ZNF518B: variants seen among roughly 807,000 people sequenced by gnomAD.
The protein encoded by ZNF518B is zinc finger protein 518B.
A neutral mutation model predicts 56.3 loss-of-function variants in ZNF518B; 23 were observed. That is an observed-to-expected ratio of 0.41 (90% CI 0.29 to 0.58). ZNF518B has a LOEUF of 0.58. Ranked by LOEUF, ZNF518B falls within the 20% of genes least tolerant of loss-of-function variation. The pLI, the probability that ZNF518B is intolerant of heterozygous loss-of-function variation, is 0.32. For synonymous variants in ZNF518B, 529 were observed against 465.9 expected, an observed-to-expected ratio of 1.14 and a Z score of -1.74; for missense variants, 1,460 against 1,272.1, an observed-to-expected ratio of 1.15 and a Z score of -2.25.
intron 2 of ZNF518B, among the ~76,000 whole-genome samples, chr4:10,448,794 A>C (rs1202558246): frequency 6.6e-6 from 1 of 152,112 alleles, no homozygotes; most frequent in Non-Finnish European, 1.5e-5. Flanking sequence ...TTTACATTAC[A>C]CTGCATTTCT....
chr4:10,448,539 G>A (rs930696632), intron 2 of ZNF518B, among the ~76,000 whole-genome samples: 4 of 152,050 alleles, frequency 2.6e-5, no homozygotes, highest in African/African-American at 9.7e-5. Flanking sequence ...GCGAAAGATA[G>A]TCACCTTCTT....
intron 2 of ZNF518B, chr4:10,453,370 C>T (rs12019277): frequency 6.6e-6 from 1 of 151,988 alleles, no homozygotes; most frequent in Non-Finnish European, 1.5e-5. Flanking sequence ...CATTAGTCGG[C>T]AGGAAGTGAG....
In ZNF518B at chr4:10,441,845, G is replaced by C. The variant is rs1714696018; in HGVS notation, c.*1259C>G. The C allele has an allele frequency of 1.3e-5, 2 of 152,236 alleles. No individual in the cohort carries two copies. The highest frequency in any genetic ancestry group is 2.9e-5 in the Non-Finnish European group (2 of 68,068). The allele number at this position is 152,236 out of a possible 1,614,324, so 9.4% of individuals were successfully genotyped here. Reference sequence around the variant, plus strand: ...GGAGTTGCTTCCCTGAGAAAGCTGAGCAGCAGGGTAAGCATGAATGTGGTT... The same window carrying C: ...GGAGTTGCTTCCCTGAGAAAGCTGACCAGCAGGGTAAGCATGAATGTGGTT... On this transcript the variant is annotated 3_prime_UTR_variant, in exon 3 of 3. Transcript: ENST00000326756.
At position 10,443,869 on chromosome 4, in the gene ZNF518B, G is replaced by C; in HGVS notation, c.2460C>G (p.Asp820Glu). Residue 820 changes from aspartate to glutamate, a missense_variant, in exon 3 of 3, where the codon GAC (aspartate) becomes GAG (glutamate). Transcript: ENST00000326756. ...CACTTCTTAAAGGCTGTAAGTCTGA[G>C]TCCGCCTGTCTCACAGGGCAAAATG... ...PVPFCPVRQA[D>E]SDLQPLRSER... is the part of the protein sequence containing the mutation. The C allele has an allele frequency of 6.2e-7, 1 of 1,614,220 alleles. No individual in the cohort carries two copies. Among genetic ancestry groups the C allele is most frequent in the South Asian group, 1.1e-5 (1 of 91,078 alleles).
Position 10,442,940 on chromosome 4 carries a change from A to G in ZNF518B, c.*164T>C. 9.7e-6 allele frequency: 6 copies of G among 620,548 alleles called. No homozygotes were observed. Among genetic ancestry groups the G allele is most frequent in the South Asian group, 2.5e-5 (1 of 39,654 alleles). 38.4% of individuals were successfully genotyped at this position (620,548 alleles called of 1,614,324 possible). A position where few individuals can be genotyped will look rare whatever the true frequency, so the allele number is the denominator to read the frequency against. ...TTCAAATACATTCTGGGGTCCAATC[A>G]CATACTTCAGGTTCAGACTCCTAGC... is the stretch of plus-strand genomic sequence containing the variant. On this transcript the variant is annotated 3_prime_UTR_variant, in exon 3 of 3. Coordinates refer to ENST00000326756, the MANE Select transcript of ZNF518B (RefSeq NM_053042.3).
chr4:10,444,144 T>C lies in ZNF518B; in HGVS notation c.2185A>G (p.Asn729Asp), dbSNP rs1714837981. The C allele has an allele frequency of 6.2e-7, 1 of 1,614,232 alleles. No homozygotes were observed. The highest frequency in any genetic ancestry group is 8.5e-7 in the Non-Finnish European group (1 of 1,180,048). Residue 729 changes from asparagine (N) to aspartate (D), a missense_variant, in exon 3 of 3, where the codon AAT (asparagine) becomes GAT (aspartate). Coordinates refer to ENST00000326756, the MANE Select transcript of ZNF518B (RefSeq NM_053042.3). Reference sequence around the variant, plus strand: ...CTATTACCAGTAATACCACCATCATTCGGAGGTTTCTGAAGAGTACCTGTG... The same window carrying C: ...CTATTACCAGTAATACCACCATCATCCGGAGGTTTCTGAAGAGTACCTGTG... ...HSTGTLQKPP[N>D]DGGITGNRQL...
At chr4:10,459,841 C>A (rs180773955), upstream of ZNF518B, among the ~76,000 whole-genome samples, 1 of 152,112 alleles carries the variant, frequency 6.6e-6, no homozygotes, top group African/African-American at 2.4e-5. Flanking sequence ...ACTTCTGAGC[C>A]GACAGAACTG....
intron 2 of ZNF518B, among the ~76,000 whole-genome samples, chr4:10,449,065 A>G (rs777605612): frequency 1.6e-4 from 25 of 152,224 alleles, no homozygotes; most frequent in Non-Finnish European, 3.2e-4. Context: ...CATCATCAAT[A>G]TAGTCATGTC....
intron 2 of ZNF518B, chr4:10,450,934 T>G (rs1715276730): frequency 6.6e-6 from 1 of 152,206 alleles, no homozygotes; most frequent in African/African-American, 2.4e-5. Context: ...CTGCCTGTTT[T>G]CAAAAAATTA....
rs773970859 is a variant in ZNF518B at position 10,441,626 on chromosome 4, ACCTGGAAGGT to A, written c.*1468_*1477del. 59 of 152,690 alleles carry A rather than the reference ACCTGGAAGGT, an allele frequency of 3.9e-4. No individual in the cohort carries two copies. The highest frequency in any genetic ancestry group is 1.6e-4 in the Non-Finnish European group (11 of 68,054). 9.5% of individuals were successfully genotyped at this position (152,690 alleles called of 1,614,324 possible). On this transcript the variant is annotated 3_prime_UTR_variant, in exon 3 of 3. Transcript: ENST00000326756. ...CTCGGGGTTGTGCCATCTGTGCTCTACCTGGAAGGTCAGCGCCCAGCTGCACAGGCAAGTG... is the reference window on the plus strand; with the variant it reads ...CTCGGGGTTGTGCCATCTGTGCTCTACAGCGCCCAGCTGCACAGGCAAGTG...
Position 10,445,705 on chromosome 4 carries a change from G to A in ZNF518B, c.624C>T (p.His208=), listed in dbSNP as rs1276251289. The change falls in exon 3 of 3, where the codon CAC becomes CAT. Residue 208 remains histidine, a synonymous_variant. Transcript: ENST00000326756. ...GAIRNDYIVK[H]TKRVHERAGA... ...CTGCCCTTTCATGTACTCTCTTCGT[G>A]TGTTTGACAATATAATCATTTCTAA... is the stretch of plus-strand genomic sequence containing the variant. 6.2e-7 allele frequency: 1 copy of A among 1,614,120 alleles called. No homozygotes were observed. Among genetic ancestry groups the A allele is most frequent in the Middle Eastern group, 1.6e-4 (1 of 6,062 alleles).
upstream of ZNF518B, among the ~76,000 whole-genome samples, chr4:10,460,607 G>T (rs183203239): frequency 8.1e-3 from 1,232 of 152,286 alleles, 14 homozygotes; most frequent in Non-Finnish European, 0.013. Flanking sequence ...TGTGGATTTA[G>T]ATCATTCTAG....
intron 2 of ZNF518B, chr4:10,451,177 G>T (rs1202078033): frequency 7.2e-5 from 11 of 151,892 alleles, no homozygotes; most frequent in African/African-American, 2.7e-4. Flanking sequence ...CTTATTATGG[G>T]GACATAAAAA....
At position 10,444,521 on chromosome 4, in the gene ZNF518B, G is replaced by A. The variant is rs762154811; in HGVS notation, c.1808C>T (p.Thr603Ile). 6.2e-7 allele frequency: 1 copy of A among 1,614,084 alleles called. No homozygotes were observed. The highest frequency in any genetic ancestry group is 8.5e-7 in the Non-Finnish European group (1 of 1,180,020). The change falls in exon 3 of 3, where the codon ACT becomes ATT. Residue 603 changes from threonine to isoleucine, a missense_variant. Transcript: ENST00000326756. ...AGGCTGTTGAGATCTATCTTCTCCA[G>A]TTATGTTTATATGTAAATACTCACT... ...HKSEYLHINITGEDRSQQPGD... is the reference protein window; with the variant it reads ...HKSEYLHINIIGEDRSQQPGD...
intron 1 of ZNF518B, among the ~76,000 whole-genome samples, chr4:10,456,854 G>C (rs973494067): frequency 1.3e-5 from 2 of 152,252 alleles, no homozygotes; most frequent in South Asian, 4.1e-4. Context: ...GGAGCCCTCG[G>C]AGGAGGCATC....
intron 2 of ZNF518B, among the ~76,000 whole-genome samples, chr4:10,447,336 G>A (rs1225473113): frequency 1.3e-5 from 2 of 152,110 alleles, no homozygotes; most frequent in African/African-American, 4.8e-5. Flanking sequence ...AGTCAGGAGA[G>A]GCCTCATGCT....
Position 10,444,048 on chromosome 4 carries a change from C to A in ZNF518B, c.2281G>T (p.Ala761Ser), listed in dbSNP as rs115319397. The A allele has an allele frequency of 5.6e-4, 898 of 1,614,184 alleles. 7 individuals are homozygous for A. The African/African-American group carries it at 0.011, about 20-fold the overall frequency. Residue 761 changes from alanine (A) to serine (S), a missense_variant, in exon 3 of 3, where the codon GCC becomes TCC. Coordinates refer to ENST00000326756, the MANE Select transcript of ZNF518B (RefSeq NM_053042.3). ...GSNRKTKSRVARKAHVATPVL... is the reference protein window; with the variant it reads ...GSNRKTKSRVSRKAHVATPVL... ...GGCGTGGCAACATGAGCCTTCCTGGCCACTCTGCTTTTGGTTTTCCTATTA... is the reference window on the plus strand; with the variant it reads ...GGCGTGGCAACATGAGCCTTCCTGGACACTCTGCTTTTGGTTTTCCTATTA...
At chr4:10,458,320 A>T (rs1243191170), upstream of ZNF518B, among the ~76,000 whole-genome samples, 1 of 152,042 alleles carries the variant, frequency 6.6e-6, no homozygotes, top group Admixed American at 6.5e-5. Flanking sequence ...TGAACAGCTA[A>T]AGTTTATTTC....
rs770679000 is a variant in ZNF518B at position 10,445,896 on chromosome 4, T to C, written c.433A>G (p.Lys145Glu). Residue 145 changes from lysine to glutamate, a missense_variant, in exon 3 of 3, where the codon AAG (lysine) becomes GAG (glutamate). Coordinates refer to ENST00000326756, the MANE Select transcript of ZNF518B (RefSeq NM_053042.3). The part of the protein sequence containing the change: ...YYCDKCRFST[K>E]DPLQYKKHTL... Reference sequence around the variant, plus strand: ...TGCTTTTTGTACTGCAGCGGGTCCTTTGTAGAGAATCGACATTTATCACAA... The same window carrying C: ...TGCTTTTTGTACTGCAGCGGGTCCTCTGTAGAGAATCGACATTTATCACAA... The C allele has an allele frequency of 3.1e-6, 5 of 1,614,214 alleles. No individual in the cohort carries two copies. The highest frequency in any genetic ancestry group is 2.2e-5 in the East Asian group (1 of 44,886).
Sources: gnomAD v4.1 joint callset for allele counts (sites outside exome capture counted in the v4.1 genomes callset) on GRCh38, gnomAD v4.1.1 for gene constraint, MANE v1.5 for transcripts, NCBI Gene and HGNC (gene_info 2026-07-23, HGNC 2026-07-21) for gene names.